Variants in HACD2 observed in about 807,000 individuals in gnomAD.
The protein encoded by HACD2 is 3-hydroxyacyl-CoA dehydratase 2.
Under a neutral mutation model 31.0 loss-of-function variants are expected in HACD2, and 15 were observed. The ratio of observed to expected loss-of-function variants is 0.48; its 90% CI spans 0.32 to 0.75. The LOEUF (loss-of-function observed/expected upper bound fraction) is 0.75, where lower values mean the gene tolerates loss of function less well. HACD2 is among the 30% of genes least tolerant of loss of function. The pLI is 0.03. For missense variants in HACD2, 283 were observed against 313.0 expected, an observed-to-expected ratio of 0.90 and a Z score of 0.72; for synonymous variants, 115 against 122.2, an observed-to-expected ratio of 0.94 and a Z score of 0.39.
At chr3:123,514,274 C>CA (rs1379688567) in intron 4 of HACD2, among the ~76,000 whole-genome samples, 1 of 151,082 alleles carries the variant, frequency 6.6e-6, no homozygotes, top group Non-Finnish European at 1.5e-5. Flanking sequence ...AGACTTGTCT[C>CA]AAAAAAACAA....
chr3:123,532,348 C>T (rs2056372594), intron 3 of HACD2, among the ~76,000 whole-genome samples: 1 of 152,184 alleles, frequency 6.6e-6, no homozygotes, highest in Non-Finnish European at 1.5e-5. Context: ...ACCCAGCAAA[C>T]AGCAGTTCAG....
chr3:123,509,325 A>C (rs938477299), intron 4 of HACD2, among the ~76,000 whole-genome samples: 1 of 151,920 alleles, frequency 6.6e-6, no homozygotes, highest in Non-Finnish European at 1.5e-5. Flanking sequence ...CTGTGATCGC[A>C]CGACTGCACT....
Position 123,493,425 on chromosome 3 carries a change from C to T in HACD2, c.*1463G>A, listed in dbSNP as rs1299425709. 6.6e-6 allele frequency: 1 copy of T among 152,182 alleles called. No homozygotes were observed. Among genetic ancestry groups the T allele is most frequent in the South Asian group, 2.1e-4 (1 of 4,824 alleles). 9.4% of individuals were successfully genotyped at this position (152,182 alleles called of 1,614,324 possible). On this transcript the variant is annotated 3_prime_UTR_variant, in exon 7 of 7. Coordinates refer to ENST00000383657, the MANE Select transcript of HACD2 (RefSeq NM_198402.5). The stretch of plus-strand genomic sequence containing the variant: ...TTCGCAATTATATTTTAAATGACAA[C>T]TACTCAATAAGCTAAACTTTTAAAC...
In HACD2 at chr3:123,510,456, C is replaced by T. The variant is rs118175124; in HGVS notation, c.382-7775G>A. ...GGAGACAGGGTTTTGTCATGTTGGCCAGGCTGCTCTTGAACTCCTGACCTC... is the reference window on the plus strand; with the variant it reads ...GGAGACAGGGTTTTGTCATGTTGGCTAGGCTGCTCTTGAACTCCTGACCTC... On this transcript the variant is annotated intron_variant, in intron 4 of 6. Coordinates refer to ENST00000383657, the MANE Select transcript of HACD2 (RefSeq NM_198402.5). Among the ~76,000 whole-genome samples, 34 of 152,312 alleles carry T rather than the reference C, an allele frequency of 2.2e-4. No homozygotes were observed. In the East Asian group the frequency reaches 6.2e-3, roughly 28 times the overall value.
chr3:123,570,874 C>A (rs2056847324), intron 2 of HACD2, among the ~76,000 whole-genome samples: 1 of 150,288 alleles, frequency 6.7e-6, no homozygotes, highest in South Asian at 2.1e-4. Context: ...GACGAGCTAT[C>A]CCAAAATAAA....
chr3:123,544,065 G>A (rs141870260), intron 3 of HACD2, among the ~76,000 whole-genome samples: 26 of 152,288 alleles, frequency 1.7e-4, no homozygotes, highest in South Asian at 4.1e-4. Context: ...GATGTTAAAA[G>A]TACAAATGAC....
In HACD2 at chr3:123,585,020, G is replaced by A. The variant is rs1034065745; in HGVS notation, c.8C>T (p.Ala3Val). The A allele has an allele frequency of 6.7e-6, 10 of 1,502,910 alleles. No individual in the cohort carries two copies. The highest frequency in any genetic ancestry group is 8.0e-6 in the Non-Finnish European group (9 of 1,127,354). 93.1% of individuals were successfully genotyped at this position (1,502,910 alleles called of 1,614,324 possible). MA[A>V]VAATAAAKGN... ...CTTCGCTGCTGCAGTCGCCGCCACTGCCGCCATGTCAAGTGCCCGAAGCCC... is the reference window on the plus strand; with the variant it reads ...CTTCGCTGCTGCAGTCGCCGCCACTACCGCCATGTCAAGTGCCCGAAGCCC... The change falls in exon 1 of 7, where the codon GCA (alanine) becomes GTA (valine). Residue 3 changes from alanine to valine, a missense_variant. Transcript: ENST00000383657.
chr3:123,536,628 A>T (rs1359147284), intron 3 of HACD2, among the ~76,000 whole-genome samples: 1 of 152,244 alleles, frequency 6.6e-6, no homozygotes, highest in Non-Finnish European at 1.5e-5. Context: ...ACCGTGTTCC[A>T]CATAACAACT....
At chr3:123,497,074 C>T (rs2055842181) in intron 6 of HACD2, among the ~76,000 whole-genome samples, 2 of 152,234 alleles carry the variant, frequency 1.3e-5, no homozygotes, top group Non-Finnish European at 2.9e-5. Flanking sequence ...CCTAGGGTGT[C>T]TGGCCTATTC....
chr3:123,499,425 C>T, intron 6 of HACD2: 1 of 315,368 alleles, frequency 3.2e-6, no homozygotes, highest in South Asian at 2.8e-5. Flanking sequence ...AGAGAGGACT[C>T]AACATGAATA....
intron 3 of HACD2, among the ~76,000 whole-genome samples, chr3:123,539,269 A>G (rs2056460129): frequency 1.3e-5 from 2 of 152,128 alleles, no homozygotes; most frequent in African/African-American, 4.8e-5. Context: ...ACTATAATAC[A>G]TAATAAAAAA....
At chr3:123,564,880 C>T (rs111764818) in intron 3 of HACD2, among the ~76,000 whole-genome samples, 225 of 152,286 alleles carry the variant, frequency 1.5e-3, no homozygotes, top group Middle Eastern at 3.4e-3. Context: ...GATCCTGCCG[C>T]TGGGCTCTGG....
At chr3:123,512,521 G>A (rs949202080) in intron 4 of HACD2, among the ~76,000 whole-genome samples, 1 of 152,154 alleles carries the variant, frequency 6.6e-6, no homozygotes, top group African/African-American at 2.4e-5. Flanking sequence ...GGCTAACACA[G>A]GTATGAACCA....
intron 6 of HACD2, among the ~76,000 whole-genome samples, chr3:123,496,332 T>C (rs920733578): frequency 6.6e-6 from 1 of 152,196 alleles, no homozygotes; most frequent in Admixed American, 6.5e-5. Context: ...CCAGTCTCTC[T>C]TTTTTATACT....
At chr3:123,531,586 T>C (rs1325935897) in intron 3 of HACD2, among the ~76,000 whole-genome samples, 1 of 151,356 alleles carries the variant, frequency 6.6e-6, no homozygotes, top group Non-Finnish European at 1.5e-5. Context: ...AGATTACAGG[T>C]GTGAGTGAGC....
Position 123,494,190 on chromosome 3 carries a change from T to C in HACD2, c.*698A>G, listed in dbSNP as rs2055803696. 1 of 152,296 alleles carries C rather than the reference T, an allele frequency of 6.6e-6. No homozygotes were observed. Among genetic ancestry groups the C allele is most frequent in the African/African-American group, 2.4e-5 (1 of 41,446 alleles). 9.4% of individuals were successfully genotyped at this position (152,296 alleles called of 1,614,324 possible). ...TTGAGGCTGAGCTCCAGATAAGATA[T>C]ATTCTTTACGGTACACACATACTTA... On this transcript the variant is annotated 3_prime_UTR_variant, in exon 7 of 7. Coordinates refer to ENST00000383657, the MANE Select transcript of HACD2 (RefSeq NM_198402.5).
intron 2 of HACD2, among the ~76,000 whole-genome samples, chr3:123,573,135 T>G (rs985884590): frequency 6.6e-6 from 1 of 152,220 alleles, no homozygotes; most frequent in African/African-American, 2.4e-5. Flanking sequence ...CTACCAATAT[T>G]TGATTTGTTT....
chr3:123,548,541 A>G (rs368071469), intron 3 of HACD2, among the ~76,000 whole-genome samples: 1 of 152,348 alleles, frequency 6.6e-6, no homozygotes. Flanking sequence ...AAGTTGTAAG[A>G]TATGTTTTAA....
chr3:123,560,581 A>G (rs1035559694), intron 3 of HACD2, among the ~76,000 whole-genome samples: 14 of 152,190 alleles, frequency 9.2e-5, no homozygotes, highest in Non-Finnish European at 5.9e-5. Flanking sequence ...AGAAAGCAAT[A>G]TTTAAATCTG....
Sources: allele counts gnomAD v4.1 joint callset (sites outside exome capture counted in the v4.1 genomes callset), GRCh38; gene constraint gnomAD v4.1.1; transcripts MANE v1.5; gene names NCBI Gene and HGNC (gene_info 2026-07-23, HGNC 2026-07-21).